Variants in SLCO3A1 observed in about 807,000 individuals in gnomAD.
SLCO3A1 encodes the protein PGE1 transporter.
Under a neutral mutation model 63.1 loss-of-function variants are expected in SLCO3A1, and 27 were observed. The ratio of observed to expected loss-of-function variants is 0.43; its 90% confidence interval spans 0.32 to 0.59. The LOEUF is 0.59. SLCO3A1 is among the 20% of genes least tolerant of loss of function. SLCO3A1 has a pLI of 0.09. For synonymous variants in SLCO3A1, 473 were observed against 409.9 expected, an observed-to-expected ratio of 1.15 and a Z score of -1.86; for missense variants, 773 against 945.8, an observed-to-expected ratio of 0.82 and a Z score of 2.40.
intron 2 of SLCO3A1, among the ~76,000 whole-genome samples, chr15:92,015,521 C>A (rs1260095423): frequency 2.0e-5 from 3 of 152,100 alleles, no homozygotes; most frequent in Non-Finnish European, 4.4e-5. Context: ...TCACCTCCTA[C>A]CCAGGTCTCT....
intron 2 of SLCO3A1, among the ~76,000 whole-genome samples, chr15:91,982,388 C>T (rs181241192): frequency 1.5e-4 from 23 of 152,330 alleles, no homozygotes; most frequent in African/African-American, 4.8e-4. Flanking sequence ...TAGTTTCTTT[C>T]GACAAATCTG....
intron 7 of SLCO3A1, among the ~76,000 whole-genome samples, chr15:92,129,686 G>A (rs2047969173): frequency 6.6e-6 from 1 of 152,166 alleles, no homozygotes; most frequent in Admixed American, 6.5e-5. Flanking sequence ...GCTTTCAAGG[G>A]ACTTAGAGTT....
intron 2 of SLCO3A1, among the ~76,000 whole-genome samples, chr15:92,006,640 C>T (rs139872657): frequency 7.9e-5 from 12 of 152,282 alleles, no homozygotes; most frequent in Non-Finnish European, 1.3e-4. Context: ...AGGAAAAAAA[C>T]GACAACAATT....
At chr15:91,987,897 T>C (rs946121654) in intron 2 of SLCO3A1, among the ~76,000 whole-genome samples, 4 of 152,046 alleles carry the variant, frequency 2.6e-5, no homozygotes, top group Non-Finnish European at 5.9e-5. Flanking sequence ...GATATTTAAA[T>C]ACCTAAAGGA....
At chr15:92,171,930 C>T (rs1394868425) in exon 11 of SLCO3A1, 7 of 1,190,666 alleles carry the variant, frequency 5.9e-6, no homozygotes, top group Non-Finnish European at 8.6e-6. Flanking sequence ...GCGGGCCTCA[C>T]TTAGCGCGCT....
At chr15:92,020,590 A>G (rs2046496726) in intron 2 of SLCO3A1, among the ~76,000 whole-genome samples, 1 of 152,202 alleles carries the variant, frequency 6.6e-6, no homozygotes, top group African/African-American at 2.4e-5. Context: ...TGTGTGGGTC[A>G]TGTTGATTAA....
intron 2 of SLCO3A1, among the ~76,000 whole-genome samples, chr15:91,921,556 T>A (rs565442277): frequency 3.9e-5 from 6 of 152,254 alleles, no homozygotes; most frequent in South Asian, 2.1e-4. Context: ...GTTTTTTTTT[T>A]AAATAACTTT....
intron 2 of SLCO3A1, among the ~76,000 whole-genome samples, chr15:92,086,643 T>C: frequency 6.6e-6 from 1 of 152,302 alleles, no homozygotes; most frequent in East Asian, 1.9e-4. Flanking sequence ...TGTAGTCCAG[T>C]CTTTTCTTTC....
Position 92,072,022 on chromosome 15 carries a change from T to G in SLCO3A1, c.647-22859T>G, listed in dbSNP as rs182919277. Among the ~76,000 whole-genome samples, 248 of 152,310 alleles carry G rather than the reference T, an allele frequency of 1.6e-3. 1 individual carries two copies. The highest frequency in any genetic ancestry group is 4.6e-3 in the Admixed American group (71 of 15,296). On this transcript the variant is annotated intron_variant, in intron 2 of 9. Coordinates refer to ENST00000318445, the MANE Select transcript of SLCO3A1 (RefSeq NM_013272.4). ...AATCGGTTCTTCCCTATGACGCACT[T>G]TGTGTGAGATGCCTGGATAGCAAAG...
intron 9 of SLCO3A1, among the ~76,000 whole-genome samples, chr15:92,159,778 C>T (rs1408343401): frequency 6.6e-6 from 1 of 152,102 alleles, no homozygotes; most frequent in Non-Finnish European, 1.5e-5. Flanking sequence ...GCATATTTAT[C>T]ACATAGCAGT....
In SLCO3A1 at chr15:91,999,027, A is replaced by G. The variant is rs1183036097; in HGVS notation, c.646+82569A>G. Among the ~76,000 whole-genome samples the G allele has an allele frequency of 3.9e-5, 6 of 152,388 alleles. No individual in the cohort carries two copies. The East Asian group carries it at 1.2e-3, about 29-fold the overall frequency. ...GGGAGGCCATTATCCTAAGCAAATT[A>G]TGCAGGAACAGAAAATCAAATACCA... On this transcript the variant is annotated intron_variant, in intron 2 of 9. Coordinates refer to ENST00000318445, the MANE Select transcript of SLCO3A1 (RefSeq NM_013272.4).
chr15:92,058,668 G>T (rs1255801106), intron 2 of SLCO3A1, among the ~76,000 whole-genome samples: 1 of 152,114 alleles, frequency 6.6e-6, no homozygotes, highest in African/African-American at 2.4e-5. Flanking sequence ...TCCTGGGGCT[G>T]CAGAAACAAA....
At chr15:91,939,515 G>A (rs1899541597) in intron 2 of SLCO3A1, among the ~76,000 whole-genome samples, 1 of 152,134 alleles carries the variant, frequency 6.6e-6, no homozygotes, top group South Asian at 2.1e-4. Flanking sequence ...TTCCCCCATG[G>A]TTCGCTGGCT....
At position 91,921,725 on chromosome 15, in the gene SLCO3A1, T is replaced by C. The variant is rs368013891; in HGVS notation, c.646+5267T>C. Among the ~76,000 whole-genome samples the C allele has an allele frequency of 8.6e-3, 705 of 82,150 alleles. 6 individuals are homozygous for C. The highest frequency in any genetic ancestry group is 0.027 in the African/African-American group (651 of 24,178). The allele number at this position is 82,150 out of a possible 152,430, so 53.9% of individuals were successfully genotyped here. ...CCATAAAATTTATTCAGATTTCTCT[T>C]TTTTTTTTTTTTATTCTTTTTTGAC... On this transcript the variant is annotated intron_variant, in intron 2 of 9. Coordinates refer to ENST00000318445, the MANE Select transcript of SLCO3A1 (RefSeq NM_013272.4).
chr15:92,128,609 G>A, intron 7 of SLCO3A1, 120 bp downstream of exon 7: 5 of 832,738 alleles, frequency 6.0e-6, no homozygotes, highest in South Asian at 3.7e-5. Context: ...TTGCCTTGCT[G>A]TAGTGGAAGA....
intron 1 of SLCO3A1, 89 bp from the exon 2 acceptor site, chr15:91,915,904 G>A: frequency 8.8e-7 from 1 of 1,136,380 alleles, no homozygotes; most frequent in Non-Finnish European, 1.3e-6. Context: ...TCCCGGGGGG[G>A]ATGGGCAGAG....
intron 2 of SLCO3A1, among the ~76,000 whole-genome samples, chr15:92,041,235 T>C (rs537273529): frequency 6.6e-6 from 1 of 152,314 alleles, no homozygotes; most frequent in South Asian, 2.1e-4. Context: ...CCTAACCCTT[T>C]TGTGCATGTA....
At chr15:91,943,501 T>C (rs1365337215) in intron 2 of SLCO3A1, among the ~76,000 whole-genome samples, 2 of 152,222 alleles carry the variant, frequency 1.3e-5, no homozygotes, top group South Asian at 2.1e-4. Flanking sequence ...GACACTAGGA[T>C]TGCTTGCACC....
At chr15:92,092,770 C>G (rs1216711597) in intron 2 of SLCO3A1, among the ~76,000 whole-genome samples, 1 of 152,194 alleles carries the variant, frequency 6.6e-6, no homozygotes, top group South Asian at 2.1e-4. Context: ...CCAGTAACAT[C>G]CCCTGCCCCC....
Sources: gnomAD v4.1 joint callset for allele counts (sites outside exome capture counted in the v4.1 genomes callset) on GRCh38, gnomAD v4.1.1 for gene constraint, MANE v1.5 for transcripts, NCBI Gene and HGNC (gene_info 2026-07-23, HGNC 2026-07-21) for gene names.